The following WDR19 variants were observed in gnomAD, a reference collection of about 807,000 sequenced individuals.
WDR19 encodes the protein WD repeat-containing protein 19.
WDR19 carries 121 observed loss-of-function variants against 180.0 expected under a neutral mutation model. The ratio of observed to expected loss-of-function variants is 0.67; its 90% CI spans 0.58 to 0.78. The LOEUF (loss-of-function observed/expected upper bound fraction) is 0.78. Ranked by LOEUF, WDR19 falls within the 30% of genes least tolerant of loss-of-function variation. The pLI is 0.00. For missense variants in WDR19, 1,450 were observed against 1,640.7 expected (o/e 0.88, Z 2.01); for synonymous variants, 497 against 540.7 (o/e 0.92, Z 1.12).
intron 25 of WDR19, 45 bp downstream of exon 25, chr4:39,253,337 T>C: frequency 6.4e-7 from 1 of 1,559,740 alleles, no homozygotes; most frequent in East Asian, 2.3e-5. Flanking sequence ...AAACTAACCA[T>C]AAAAGTAAGC....
chr4:39,238,713 G>A (rs1347840330), intron 20 of WDR19, among the ~76,000 whole-genome samples: 1 of 152,172 alleles, frequency 6.6e-6, no homozygotes, highest in Non-Finnish European at 1.5e-5. Context: ...ATTAATAGAT[G>A]AGGAAAGTGA....
rs746141233 is a variant in WDR19, at chr4:39,244,525, C to T, written c.2618C>T (p.Ala873Val). ...YEKGLYYDKAASVYIRSKNWA... is the reference protein window; with the variant it reads ...YEKGLYYDKAVSVYIRSKNWA... The stretch of plus-strand genomic sequence containing the variant: ...AAAGGTCTCTACTACGATAAAGCAG[C>T]ATCTGTTTACATCCGCTCTAAGAAT... Residue 873 changes from alanine (A) to valine (V), a missense_variant, in exon 23 of 37, where the codon GCA becomes GTA. Coordinates refer to ENST00000399820, the MANE Select transcript of WDR19 (RefSeq NM_025132.4). 2.5e-6 allele frequency: 4 copies of T among 1,614,032 alleles called. No individual in the cohort carries two copies. In the Admixed American group the frequency reaches 6.7e-5, roughly 27 times the overall value.
chr4:39,246,963 T>C (rs1732592456), intron 24 of WDR19, among the ~76,000 whole-genome samples: 1 of 152,240 alleles, frequency 6.6e-6, no homozygotes, highest in Admixed American at 6.5e-5. Context: ...CAATAACCTC[T>C]GCAGACTTAA....
In WDR19 at chr4:39,255,841, G is replaced by A. The variant is rs1260291347; in HGVS notation, c.3002-7G>A. 22 of 1,519,074 alleles carry A rather than the reference G, an allele frequency of 1.4e-5. 1 individual carries two copies. In the East Asian group the frequency reaches 5.1e-4, roughly 35 times the overall value. 94.1% of individuals were successfully genotyped at this position (1,519,074 alleles called of 1,614,324 possible). ...CAGATATTTTACTCAGTAAACTTCT[G>A]TTACAGGTTCTGAAGACACTACTAA... is the stretch of plus-strand genomic sequence containing the variant. On this transcript the variant is annotated splice_region_variant and splice_polypyrimidine_tract_variant and intron_variant, in intron 26 of 36. Coordinates refer to ENST00000399820, the MANE Select transcript of WDR19 (RefSeq NM_025132.4).
intron 9 of WDR19, among the ~76,000 whole-genome samples, chr4:39,214,042 A>G (rs771920063): frequency 1.5e-4 from 23 of 152,306 alleles, no homozygotes; most frequent in East Asian, 1.3e-3. Flanking sequence ...CCAACATTGT[A>G]CTACACAACT....
At chr4:39,281,236 T>TATATAG (rs762298152) in intron 36 of WDR19, among the ~76,000 whole-genome samples, 130 of 104,022 alleles carry the variant, frequency 1.2e-3, no homozygotes, top group Admixed American at 3.5e-3. Context: ...TATATATATA[T>TATATAG]AGAGAGAGAG....
At chr4:39,239,294 C>A (rs1352625410) in intron 20 of WDR19, among the ~76,000 whole-genome samples, 2 of 151,952 alleles carry the variant, frequency 1.3e-5, no homozygotes, top group Non-Finnish European at 2.9e-5. Flanking sequence ...TTATTTATAT[C>A]ATGTATATTA....
chr4:39,224,947 G>A lies in WDR19; in HGVS notation c.1543G>A (p.Val515Ile). 1 of 1,580,820 alleles carries A rather than the reference G, an allele frequency of 6.3e-7. No individual in the cohort carries two copies. Among genetic ancestry groups the A allele is most frequent in the Non-Finnish European group, 8.6e-7 (1 of 1,162,674 alleles). Residue 515 changes from valine to isoleucine, a missense_variant, in exon 15 of 37, where the codon GTC (valine) becomes ATC (isoleucine). Transcript: ENST00000399820. ...ATTCGTTAATGATTATCGACATCCT[G>A]TCAGTGTGAAAAAGATTTTTCCCGA... is the stretch of plus-strand genomic sequence containing the variant. ...WQFVNDYRHPVSVKKIFPDPN... is the reference protein window; with the variant it reads ...WQFVNDYRHPISVKKIFPDPN...
intron 9 of WDR19, among the ~76,000 whole-genome samples, chr4:39,208,882 T>G (rs1728220451): frequency 6.6e-6 from 1 of 152,184 alleles, no homozygotes; most frequent in South Asian, 2.1e-4. Flanking sequence ...CTTGAGCATC[T>G]GTGGATTTTG....
intron 12 of WDR19, 96 bp downstream of exon 12, chr4:39,216,306 C>A: frequency 1.0e-6 from 1 of 994,188 alleles, no homozygotes; most frequent in Non-Finnish European, 1.5e-6. Flanking sequence ...AAGTCTTTCA[C>A]TCTTTTTTAT....
intron 9 of WDR19, among the ~76,000 whole-genome samples, chr4:39,212,413 C>CA (rs1397277313): frequency 1.3e-5 from 2 of 152,038 alleles, no homozygotes; most frequent in Non-Finnish European, 2.9e-5. Flanking sequence ...GACTTGAAAC[C>CA]AAAAGTACGA....
intron 4 of WDR19, among the ~76,000 whole-genome samples, chr4:39,193,970 C>T (rs752078617): frequency 1.1e-4 from 17 of 152,218 alleles, no homozygotes; most frequent in Admixed American, 7.2e-4. Flanking sequence ...AGGTACTCTC[C>T]AAGAAGTTCT....
At chr4:39,224,255 A>G (rs1447908443) in intron 14 of WDR19, among the ~76,000 whole-genome samples, 2 of 152,204 alleles carry the variant, frequency 1.3e-5, no homozygotes, top group African/African-American at 4.8e-5. Flanking sequence ...TTACTCCTAT[A>G]TAATAGGGGT....
chr4:39,240,325 T>TGATA lies in WDR19; in HGVS notation c.2413_2416dup (p.Asn806ArgfsTer2). ...CTCATTATGAGAAAGGAATAACAGG[T>TGATA]GATAATAAGGTAACCTTGGATAAAG... On this transcript the variant is annotated frameshift_variant, in exon 21 of 37. Transcript: ENST00000399820. LOFTEE classifies it high-confidence loss of function. The TGATA allele has an allele frequency of 7.0e-7, 1 of 1,438,034 alleles. No individual in the cohort carries two copies. Among genetic ancestry groups the TGATA allele is most frequent in the Non-Finnish European group, 9.2e-7 (1 of 1,092,202 alleles). 89.1% of individuals were successfully genotyped at this position (1,438,034 alleles called of 1,614,324 possible). A position where few individuals can be genotyped will look rare whatever the true frequency, so the allele number is the denominator to read the frequency against.
chr4:39,243,449 C>T (rs1732183451), intron 21 of WDR19, among the ~76,000 whole-genome samples: 1 of 151,872 alleles, frequency 6.6e-6, no homozygotes, highest in South Asian at 2.1e-4. Context: ...ATTTTGTTTC[C>T]ACTTGTATTT....
At chr4:39,227,695 C>G (rs28439323) in intron 15 of WDR19, among the ~76,000 whole-genome samples, 3 of 152,080 alleles carry the variant, frequency 2.0e-5, no homozygotes, top group African/African-American at 7.3e-5. Context: ...ATCCTGGAAC[C>G]AATCCCTCAT....
At chr4:39,183,416 AT>A (rs1411329493) in intron 1 of WDR19, among the ~76,000 whole-genome samples, 10 of 151,572 alleles carry the variant, frequency 6.6e-5, no homozygotes, top group African/African-American at 2.2e-4. Context: ...CACCCAGCTA[AT>A]TTTTTGTATT....
intron 6 of WDR19, 39 bp from the exon 7 acceptor site, chr4:39,203,603 T>C (rs2109295693): frequency 6.7e-7 from 1 of 1,495,934 alleles, no homozygotes; most frequent in Admixed American, 1.8e-5. Flanking sequence ...AATTTAAATA[T>C]TGGGTTTGTT....
At chr4:39,247,812 TA>T (rs1299427357) in intron 24 of WDR19, among the ~76,000 whole-genome samples, 1 of 151,750 alleles carries the variant, frequency 6.6e-6, no homozygotes, top group African/African-American at 2.4e-5. Flanking sequence ...GAAAAAAGAA[TA>T]AAAAGAAACG....
Sources: gnomAD v4.1 joint callset for allele counts (sites outside exome capture counted in the v4.1 genomes callset) on GRCh38, gnomAD v4.1.1 for gene constraint, MANE v1.5 for transcripts, NCBI Gene and HGNC (gene_info 2026-07-23, HGNC 2026-07-21) for gene names.